NCALD: variants seen among roughly 807,000 people sequenced by gnomAD.
The protein encoded by NCALD is neurocalcin delta.
NCALD carries 10 observed loss-of-function variants against 18.6 expected under a neutral mutation model. The observed-to-expected ratio is 0.54, with a 90% CI of 0.33 to 0.91. The LOEUF is 0.91. Among genes scored for constraint, NCALD ranks in the 40% least tolerant of loss-of-function variants. NCALD has a pLI of 0.03. For synonymous variants in NCALD, 88 were observed against 87.4 expected (o/e 1.01, Z -0.04); for missense variants, 184 against 247.6 (o/e 0.74, Z 1.72).
intron 1 of NCALD, among the ~76,000 whole-genome samples, chr8:101,758,982 C>G (rs532185756): frequency 1.6e-4 from 24 of 152,308 alleles, no homozygotes; most frequent in African/African-American, 4.1e-4. Context: ...AATAAGGATG[C>G]TGAATCTCCA....
chr8:102,107,096 T>TA (rs148521237), intron 1 of NCALD, among the ~76,000 whole-genome samples: 11,305 of 143,758 alleles, frequency 0.079, 501 homozygotes, highest in African/African-American at 0.11. Flanking sequence ...TTCCAGCCCT[T>TA]AAAAAAAAAA....
chr8:101,971,414 G>T (rs532154458), intron 2 of NCALD, among the ~76,000 whole-genome samples: 4 of 152,156 alleles, frequency 2.6e-5, no homozygotes, highest in Admixed American at 1.3e-4. Flanking sequence ...GGAGGTGATT[G>T]GATCATGGGG....
intron 1 of NCALD, among the ~76,000 whole-genome samples, chr8:102,093,911 C>T (rs1825008392): frequency 6.6e-6 from 1 of 152,058 alleles, no homozygotes; most frequent in Non-Finnish European, 1.5e-5. Flanking sequence ...CCTTAATACC[C>T]TACAAATTCC....
chr8:101,766,897 A>T (rs1286004970), intron 1 of NCALD, among the ~76,000 whole-genome samples: 1 of 152,162 alleles, frequency 6.6e-6, no homozygotes, highest in Non-Finnish European at 1.5e-5. Context: ...AAGTTTTAAA[A>T]CTATATATGT....
intron 1 of NCALD, among the ~76,000 whole-genome samples, chr8:101,755,724 C>A (rs1810850323): frequency 6.6e-6 from 1 of 152,178 alleles, no homozygotes; most frequent in Admixed American, 6.6e-5. Flanking sequence ...TGGCTGAAAT[C>A]CTTTCCAACA....
At chr8:101,950,543 T>C (rs1032558801) in intron 2 of NCALD, among the ~76,000 whole-genome samples, 3 of 152,180 alleles carry the variant, frequency 2.0e-5, no homozygotes, top group African/African-American at 7.2e-5. Flanking sequence ...GTGTGATTTG[T>C]AGTCACTCCC....
chr8:101,865,195 A>G (rs1046125365), intron 4 of NCALD, among the ~76,000 whole-genome samples: 1 of 152,184 alleles, frequency 6.6e-6, no homozygotes, highest in Non-Finnish European at 1.5e-5. Flanking sequence ...TTCTAATTTC[A>G]TTGTAGCCAA....
At chr8:101,690,826 G>A (rs1814693040) in intron 3 of NCALD, 7 of 985,424 alleles carry the variant, frequency 7.1e-6, no homozygotes, top group Non-Finnish European at 7.2e-6. Context: ...GGCAAGGCAT[G>A]AGGGAAGGGA....
intron 2 of NCALD, among the ~76,000 whole-genome samples, chr8:101,959,014 C>A (rs894091951): frequency 6.6e-6 from 1 of 152,010 alleles, no homozygotes; most frequent in Non-Finnish European, 1.5e-5. Context: ...AATTGTGAAA[C>A]AAAATACTGA....
intron 4 of NCALD, among the ~76,000 whole-genome samples, chr8:101,879,952 C>G (rs1252086264): frequency 1.3e-5 from 2 of 152,172 alleles, no homozygotes; most frequent in African/African-American, 4.8e-5. Context: ...CAGGGCAGAG[C>G]TGCCTGCCAG....
intron 4 of NCALD, among the ~76,000 whole-genome samples, chr8:101,862,222 T>A (rs184495522): frequency 0.015 from 2,301 of 152,334 alleles, 30 homozygotes; most frequent in South Asian, 0.037. Flanking sequence ...AAGAAATGAA[T>A]AAAATTATAA....
chr8:102,015,949 G>A (rs903001807), intron 2 of NCALD, among the ~76,000 whole-genome samples: 5 of 152,110 alleles, frequency 3.3e-5, no homozygotes, highest in Non-Finnish European at 5.9e-5. Flanking sequence ...AAAGAAGAAG[G>A]GTGGGGCTGG....
At chr8:101,712,606 A>AAAAAAAAAAC (rs1815859073) in intron 2 of NCALD, among the ~76,000 whole-genome samples, 1 of 149,672 alleles carries the variant, frequency 6.7e-6, no homozygotes, top group Non-Finnish European at 1.5e-5. Context: ...AAAAAAAAAA[A>AAAAAAAAAAC]AAAAATAGCA....
chr8:101,888,284 G>A (rs748992307), intron 3 of NCALD, among the ~76,000 whole-genome samples: 2 of 152,112 alleles, frequency 1.3e-5, no homozygotes, highest in Non-Finnish European at 2.9e-5. Flanking sequence ...TTGAGGATAT[G>A]TGTCTATAAA....
intron 1 of NCALD, among the ~76,000 whole-genome samples, chr8:102,053,446 T>C (rs983536825): frequency 2.0e-5 from 3 of 152,222 alleles, no homozygotes; most frequent in Non-Finnish European, 4.4e-5. Flanking sequence ...GTAACACCGC[T>C]TGACCACGTA....
At chr8:101,931,240 G>C (rs1352530023) in intron 2 of NCALD, among the ~76,000 whole-genome samples, 1 of 152,158 alleles carries the variant, frequency 6.6e-6, no homozygotes, top group African/African-American at 2.4e-5. Flanking sequence ...TGGTGATTTG[G>C]ACTTTACAAA....
intron 1 of NCALD, among the ~76,000 whole-genome samples, chr8:101,788,416 T>C (rs1269286454): frequency 2.0e-5 from 3 of 152,194 alleles, no homozygotes; most frequent in Non-Finnish European, 4.4e-5. Flanking sequence ...ATCACAGATA[T>C]TTTCACCTCA....
At chr8:102,111,649 C>T (rs1038008298) in intron 1 of NCALD, among the ~76,000 whole-genome samples, 2 of 152,150 alleles carry the variant, frequency 1.3e-5, no homozygotes, top group Non-Finnish European at 2.9e-5. Flanking sequence ...TCCATCTCTC[C>T]TCTCAAACTT....
chr8:102,110,280 T>C (rs370026714), intron 1 of NCALD, among the ~76,000 whole-genome samples: 1 of 152,178 alleles, frequency 6.6e-6, no homozygotes, highest in Non-Finnish European at 1.5e-5. Context: ...AAAGAACATG[T>C]AACTGAAAAT....
Sources: gnomAD v4.1 joint callset for allele counts (sites outside exome capture counted in the v4.1 genomes callset) on GRCh38, gnomAD v4.1.1 for gene constraint, MANE v1.5 for transcripts, NCBI Gene and HGNC (gene_info 2026-07-23, HGNC 2026-07-21) for gene names.